RDH10: variants seen among roughly 807,000 people sequenced by gnomAD.
The protein encoded by RDH10 is retinol dehydrogenase 10.
In RDH10, 12 loss-of-function variants were observed where a neutral mutation model predicts 30.2. The ratio of observed to expected loss-of-function variants is 0.40; its 90% CI spans 0.25 to 0.64. RDH10 has a LOEUF of 0.64. Ranked by LOEUF, RDH10 falls within the 30% of genes least tolerant of loss-of-function variation. The pLI, the probability that RDH10 is intolerant of heterozygous loss-of-function variation, is 0.43. For synonymous variants in RDH10, 189 were observed against 172.2 expected, an observed-to-expected ratio of 1.10 and a Z score of -0.76; for missense variants, 268 against 445.2, an observed-to-expected ratio of 0.60 and a Z score of 3.58.
At chr8:73,300,327 C>T (rs906445176) in intron 2 of RDH10, 1 of 152,218 alleles carries the variant, frequency 6.6e-6, no homozygotes, top group African/African-American at 2.4e-5. Flanking sequence ...TAAGGAGTGT[C>T]ACAAGAGCCA....
At chr8:73,301,030 C>G (rs1295308578) in intron 2 of RDH10, among the ~76,000 whole-genome samples, 1 of 138,524 alleles carries the variant, frequency 7.2e-6, no homozygotes, top group African/African-American at 2.7e-5. Flanking sequence ...TTGCCTGGAA[C>G]AAAACTCTAT....
Position 73,322,700 on chromosome 8 carries a change from G to C in RDH10, c.792G>C (p.Leu264=), listed in dbSNP as rs774674377. ...TCAGGAAAGAAATTGAGCCTTTTCT[G>C]CCACCTCTGAAGCCTGATTACTGTG... is the stretch of plus-strand genomic sequence containing the variant. ...CRIRKEIEPF[L]PPLKPDYCVK... Residue 264 remains leucine, a synonymous_variant, in exon 5 of 6, where the codon CTG becomes CTC. Coordinates refer to ENST00000240285, the MANE Select transcript of RDH10 (RefSeq NM_172037.5). The C allele has an allele frequency of 6.2e-7, 1 of 1,611,420 alleles. No homozygotes were observed. Among genetic ancestry groups the C allele is most frequent in the East Asian group, 2.2e-5 (1 of 44,864 alleles).
At chr8:73,303,800 C>T (rs915872136) in intron 2 of RDH10, among the ~76,000 whole-genome samples, 3 of 152,166 alleles carry the variant, frequency 2.0e-5, no homozygotes, top group Non-Finnish European at 4.4e-5. Flanking sequence ...ACATTACATG[C>T]TGGGCCCAAA....
At chr8:73,317,752 C>G (rs550987721) in intron 2 of RDH10, among the ~76,000 whole-genome samples, 1 of 152,090 alleles carries the variant, frequency 6.6e-6, no homozygotes, top group South Asian at 2.1e-4. Flanking sequence ...GAGACCCCTT[C>G]TCTACAAAAA....
chr8:73,297,536 A>C, intron 2 of RDH10, 107 bp downstream of exon 2: 1 of 775,258 alleles, frequency 1.3e-6, no homozygotes, highest in Non-Finnish European at 2.3e-6. Context: ...CTCTTTCGCC[A>C]CAAGGTCTCC....
At chr8:73,305,662 T>C (rs762294545) in intron 2 of RDH10, among the ~76,000 whole-genome samples, 1 of 151,948 alleles carries the variant, frequency 6.6e-6, no homozygotes, top group African/African-American at 2.4e-5. Context: ...AAGTCCTAAA[T>C]ACCCAGGATG....
In RDH10 at chr8:73,323,149, T is replaced by C; in HGVS notation, c.*113T>C. The C allele has an allele frequency of 1.1e-6, 1 of 890,380 alleles. No homozygotes were observed. The highest frequency in any genetic ancestry group is 1.7e-6 in the Non-Finnish European group (1 of 576,748). 55.2% of individuals were successfully genotyped at this position (890,380 alleles called of 1,614,324 possible). ...GATTCTAAACTTGTGTTGTTTCTTT[T>C]TTAAATCAACTTTTTAAAAAAATAA... On this transcript the variant is annotated 3_prime_UTR_variant, in exon 6 of 6. Transcript: ENST00000240285.
chr8:73,313,406 A>G (rs1252955515), intron 2 of RDH10: 1 of 152,072 alleles, frequency 6.6e-6, no homozygotes, highest in Admixed American at 6.5e-5. Context: ...AGCTAAGGAG[A>G]TATTAGACTT....
In RDH10 at chr8:73,303,166, A is replaced by G. The variant is rs551166395; in HGVS notation, c.525+5737A>G. On this transcript the variant is annotated intron_variant, in intron 2 of 5. Transcript: ENST00000240285. Reference sequence around the variant, plus strand: ...AATGTCTAAAGTCTATTTAGTTAAAATCTATCCAGGAAAAGTAAAAGCCCA... The same window carrying G: ...AATGTCTAAAGTCTATTTAGTTAAAGTCTATCCAGGAAAAGTAAAAGCCCA... Among the ~76,000 whole-genome samples, 4 of 152,356 alleles carry G rather than the reference A, an allele frequency of 2.6e-5. No homozygotes were observed. The East Asian group carries it at 5.8e-4, about 22-fold the overall frequency.
chr8:73,324,523 A>C lies in RDH10; in HGVS notation c.*1487A>C, dbSNP rs1766057359. 1.3e-5 allele frequency: 2 copies of C among 152,414 alleles called. No homozygotes were observed. Among genetic ancestry groups the C allele is most frequent in the South Asian group, 4.1e-4 (2 of 4,820 alleles). 9.4% of individuals were successfully genotyped at this position (152,414 alleles called of 1,614,324 possible). A position where few individuals can be genotyped will look rare whatever the true frequency, so the allele number is the denominator to read the frequency against. Reference sequence around the variant, plus strand: ...ATAAGCCAACTTTTACTAATTGGGGAGTTTTATAAATGACTGATTAAATTT... The same window carrying C: ...ATAAGCCAACTTTTACTAATTGGGGCGTTTTATAAATGACTGATTAAATTT... On this transcript the variant is annotated 3_prime_UTR_variant, in exon 6 of 6. Transcript: ENST00000240285.
intron 2 of RDH10, among the ~76,000 whole-genome samples, chr8:73,317,909 A>C (rs1814701029): frequency 6.6e-6 from 1 of 151,386 alleles, no homozygotes; most frequent in African/African-American, 2.4e-5. Flanking sequence ...AACACCGCAA[A>C]ACCCTGTCCC....
At chr8:73,322,412 T>C (rs1320956565) in intron 4 of RDH10, 5 of 392,654 alleles carry the variant, frequency 1.3e-5, no homozygotes, top group African/African-American at 4.1e-5. Context: ...TGAAATACTT[T>C]TAAGGCATCT....
At chr8:73,320,903 AT>A in intron 3 of RDH10, 28 bp from the exon 4 acceptor site, 1 of 1,613,144 alleles carries the variant, frequency 6.2e-7, no homozygotes, top group Non-Finnish European at 8.5e-7. Context: ...TATGCTTAGT[AT>A]TTCTGCTTTC....
chr8:73,300,660 A>G (rs1271370168), intron 2 of RDH10, among the ~76,000 whole-genome samples: 1 of 152,276 alleles, frequency 6.6e-6, no homozygotes, highest in Admixed American at 6.5e-5. Flanking sequence ...TGAGTGAAAT[A>G]GAAAACCATG....
rs1043923944 is a variant in RDH10, at chr8:73,323,315, A to G, written c.*279A>G. 3.9e-5 allele frequency: 11 copies of G among 281,424 alleles called. No individual in the cohort carries two copies. The highest frequency in any genetic ancestry group is 2.1e-4 in the African/African-American group (10 of 46,874). 17.4% of individuals were successfully genotyped at this position (281,424 alleles called of 1,614,324 possible). On this transcript the variant is annotated 3_prime_UTR_variant, in exon 6 of 6. Transcript: ENST00000240285. The stretch of plus-strand genomic sequence containing the variant: ...AGCAGTGTGACATCTTCAGGTTACC[A>G]TTATTTTTTAATGAGCAGGAAGTCT...
At chr8:73,308,826 C>T (rs939502136) in intron 2 of RDH10, among the ~76,000 whole-genome samples, 4 of 152,176 alleles carry the variant, frequency 2.6e-5, no homozygotes, top group Non-Finnish European at 5.9e-5. Context: ...ATTATATTGC[C>T]TGTTTCACTG....
intron 2 of RDH10, chr8:73,312,634 T>C (rs575013129): frequency 6.6e-6 from 1 of 152,354 alleles, no homozygotes; most frequent in East Asian, 1.9e-4. Context: ...CCCAACCATG[T>C]GAAGGGTGCC....
intron 2 of RDH10, among the ~76,000 whole-genome samples, chr8:73,302,036 T>C (rs930953042): frequency 6.6e-6 from 1 of 152,176 alleles, no homozygotes; most frequent in African/African-American, 2.4e-5. Flanking sequence ...CAATGATCAG[T>C]CCTCAAAAAG....
chr8:73,307,313 A>G (rs552859815), intron 2 of RDH10, among the ~76,000 whole-genome samples: 2 of 152,168 alleles, frequency 1.3e-5, no homozygotes, highest in Non-Finnish European at 2.9e-5. Context: ...CTTAGGTCAG[A>G]TACTGTGTTT....
Sources: allele counts gnomAD v4.1 joint callset (sites outside exome capture counted in the v4.1 genomes callset), GRCh38; gene constraint gnomAD v4.1.1; transcripts MANE v1.5; gene names NCBI Gene and HGNC (gene_info 2026-07-23, HGNC 2026-07-21).